The following PRIM2 variants were observed in gnomAD, a reference collection of about 807,000 sequenced individuals.
PRIM2 encodes DNA primase subunit 2.
Under a neutral mutation model 67.3 loss-of-function variants are expected in PRIM2, and 39 were observed. The ratio of observed to expected loss-of-function variants is 0.58; its 90% CI spans 0.45 to 0.76. The LOEUF (loss-of-function observed/expected upper bound fraction) is 0.76. Ranked by LOEUF, PRIM2 falls within the 30% of genes least tolerant of loss-of-function variation. The pLI is 0.00. For synonymous variants in PRIM2, 143 were observed against 198.7 expected, an observed-to-expected ratio of 0.72 and a Z score of 2.36; for missense variants, 398 against 598.7, an observed-to-expected ratio of 0.66 and a Z score of 3.50.
chr6:57,400,029 A>G (rs1456782775), intron 7 of PRIM2, among the ~76,000 whole-genome samples: 10 of 152,252 alleles, frequency 6.6e-5, no homozygotes, highest in Admixed American at 3.3e-4. Context: ...TGAAGACAGC[A>G]TACCATTGGG....
At chr6:57,351,032 A>G (rs1014487749) in intron 5 of PRIM2, among the ~76,000 whole-genome samples, 7 of 150,514 alleles carry the variant, frequency 4.7e-5, no homozygotes, top group Non-Finnish European at 1.0e-4. Context: ...GTGACATGTT[A>G]TAATCTAGTA....
intron 7 of PRIM2, among the ~76,000 whole-genome samples, chr6:57,458,051 G>A (rs1282718151): frequency 6.6e-6 from 1 of 152,030 alleles, no homozygotes; most frequent in Non-Finnish European, 1.5e-5. Flanking sequence ...CGTTTTCTTA[G>A]TTCACATTCC....
rs1771462516 is a variant in PRIM2 at position 57,421,337 on chromosome 6, C to T, written c.693+39169C>T. ...AAGTTTGAAACCAGAGACACAACCCCTATCTTTTTCCTTAACAGATTTTTA... is the reference window on the plus strand; with the variant it reads ...AAGTTTGAAACCAGAGACACAACCCTTATCTTTTTCCTTAACAGATTTTTA... On this transcript the variant is annotated intron_variant, in intron 7 of 13. Coordinates refer to ENST00000615550, the MANE Select transcript of PRIM2 (RefSeq NM_000947.5). 2.6e-5 allele frequency among the ~76,000 whole-genome samples: 4 copies of T among 152,270 alleles called. No homozygotes were observed. The South Asian group carries it at 6.2e-4, about 24-fold the overall frequency.
chr6:57,566,518 C>A (rs1397998219), intron 10 of PRIM2, among the ~76,000 whole-genome samples: 2 of 152,140 alleles, frequency 1.3e-5, no homozygotes, highest in African/African-American at 4.8e-5. Flanking sequence ...TTCCATTCTG[C>A]ACCTTAGTAT....
At chr6:57,473,394 A>C (rs1456923982) in intron 7 of PRIM2, among the ~76,000 whole-genome samples, 5,779 of 152,258 alleles carry the variant, frequency 0.038, 350 homozygotes, top group African/African-American at 0.13. Context: ...CACACTTTCC[A>C]GCTAGCTCAG....
At chr6:57,293,553 A>G in the PRIM2 span, among the ~76,000 whole-genome samples, 1 of 152,254 alleles carries the variant, frequency 6.6e-6, no homozygotes, top group East Asian at 1.9e-4. Context: ...TTATTGTGGC[A>G]CTATTCACAA....
chr6:57,556,012 A>G (rs1775507786), intron 10 of PRIM2, among the ~76,000 whole-genome samples: 1 of 152,250 alleles, frequency 6.6e-6, no homozygotes, highest in South Asian at 2.1e-4. Flanking sequence ...AAGGACTGTC[A>G]GTAATCAGGA....
chr6:57,571,928 G>A (rs1775871302), intron 10 of PRIM2, among the ~76,000 whole-genome samples: 1 of 152,122 alleles, frequency 6.6e-6, no homozygotes, highest in South Asian at 2.1e-4. Flanking sequence ...TCCATGAGAG[G>A]AACCTCTAAT....
the PRIM2 span, chr6:57,222,386 G>A: frequency 6.6e-6 from 1 of 152,460 alleles, no homozygotes; most frequent in African/African-American, 2.4e-5. Flanking sequence ...GGCTGGCGGC[G>A]GCTCAGCTTT....
intron 5 of PRIM2, among the ~76,000 whole-genome samples, chr6:57,333,715 C>T (rs2127283915): frequency 6.6e-6 from 1 of 152,122 alleles, no homozygotes; most frequent in Admixed American, 6.5e-5. Flanking sequence ...TGAAAACTTT[C>T]ATCAACTGTT....
At chr6:57,456,308 G>A (rs897867546) in intron 7 of PRIM2, among the ~76,000 whole-genome samples, 2 of 152,090 alleles carry the variant, frequency 1.3e-5, no homozygotes, top group African/African-American at 2.4e-5. Context: ...CATTCTCTGT[G>A]TTTCCTGAAT....
At chr6:57,290,703 A>G in the PRIM2 span, among the ~76,000 whole-genome samples, 1 of 152,218 alleles carries the variant, frequency 6.6e-6, no homozygotes, top group Non-Finnish European at 1.5e-5. Context: ...AAACTCATCC[A>G]AAACCACACA....
At chr6:57,485,214 G>A (rs1363838050) in intron 7 of PRIM2, among the ~76,000 whole-genome samples, 40 of 151,818 alleles carry the variant, frequency 2.6e-4, no homozygotes, top group Non-Finnish European at 4.9e-4. Flanking sequence ...GGCCACCGTG[G>A]TTAGTCTAGG....
At chr6:57,602,997 C>G (rs1327546914) in intron 11 of PRIM2, among the ~76,000 whole-genome samples, 2 of 152,106 alleles carry the variant, frequency 1.3e-5, no homozygotes, top group Non-Finnish European at 1.5e-5. Flanking sequence ...ATTGATGAAC[C>G]TACATTGACA....
intron 10 of PRIM2, among the ~76,000 whole-genome samples, chr6:57,582,059 A>G (rs1216106926): frequency 6.6e-6 from 1 of 152,190 alleles, no homozygotes; most frequent in African/African-American, 2.4e-5. Flanking sequence ...TCCTGGACTC[A>G]AGCAGTTCTC....
intron 10 of PRIM2, among the ~76,000 whole-genome samples, chr6:57,568,695 G>A (rs1775797372): frequency 6.6e-6 from 1 of 152,224 alleles, no homozygotes; most frequent in Non-Finnish European, 1.5e-5. Context: ...AAAATGGTGA[G>A]CAACCATGTG....
intron 10 of PRIM2, among the ~76,000 whole-genome samples, chr6:57,599,583 C>T (rs1776424885): frequency 6.6e-6 from 1 of 151,938 alleles, no homozygotes; most frequent in Non-Finnish European, 1.5e-5. Context: ...TCTTTTATGA[C>T]ACATTATCAT....
intron 10 of PRIM2, among the ~76,000 whole-genome samples, chr6:57,541,208 C>T (rs1284775791): frequency 3.3e-5 from 5 of 152,168 alleles, no homozygotes; most frequent in Non-Finnish European, 5.9e-5. Context: ...CGGTATCGAT[C>T]AATGTAGTAC....
the PRIM2 span, among the ~76,000 whole-genome samples, chr6:57,309,026 G>A: frequency 2.0e-5 from 3 of 151,728 alleles, no homozygotes; most frequent in Non-Finnish European, 4.4e-5. Context: ...TGGAGAGAAG[G>A]TCAGCAGATA....
Sources: gnomAD v4.1 joint callset for allele counts (sites outside exome capture counted in the v4.1 genomes callset) on GRCh38, gnomAD v4.1.1 for gene constraint, MANE v1.5 for transcripts, NCBI Gene and HGNC (gene_info 2026-07-23, HGNC 2026-07-21) for gene names.